CADM2: variants seen among roughly 807,000 people sequenced by gnomAD.
The protein encoded by CADM2 is cell adhesion molecule 2.
A neutral mutation model predicts 49.8 loss-of-function variants in CADM2; 12 were observed. That is an observed-to-expected ratio of 0.24 (90% CI 0.15 to 0.39). The LOEUF is 0.39. CADM2 is among the 10% of genes least tolerant of loss of function. The pLI is 1.00. For missense variants in CADM2, 378 were observed against 492.3 expected (o/e 0.77, Z 2.20); for synonymous variants, 214 against 175.4 (o/e 1.22, Z -1.74).
intron 2 of CADM2, among the ~76,000 whole-genome samples, chr3:85,788,706 A>C (rs908635848): frequency 1.3e-5 from 2 of 151,994 alleles, no homozygotes; most frequent in African/African-American, 4.8e-5. Flanking sequence ...AATTAGGAAA[A>C]ACCAGCATGA....
In CADM2 at chr3:85,234,841, G is replaced by T. The variant is rs369109644; in HGVS notation, c.61+275173G>T. On this transcript the variant is annotated intron_variant, in intron 1 of 9. Coordinates refer to ENST00000383699, the MANE Select transcript of CADM2 (RefSeq NM_001167675.2). ...TAACACCCTGTTAACTCCATGGATG[G>T]AGAGTGAGGTCTTCTGTATAAACAA... is the stretch of plus-strand genomic sequence containing the variant. 4.6e-5 allele frequency among the ~76,000 whole-genome samples: 7 copies of T among 152,240 alleles called. No individual in the cohort carries two copies. In the South Asian group the frequency reaches 1.0e-3, roughly 23 times the overall value.
chr3:85,026,667 A>G (rs2034742410), intron 1 of CADM2, among the ~76,000 whole-genome samples: 3 of 152,182 alleles, frequency 2.0e-5, no homozygotes. Flanking sequence ...CTGTACCCCA[A>G]AAGCCAATGT....
At chr3:85,710,881 C>A (rs2067096378) in intron 1 of CADM2, among the ~76,000 whole-genome samples, 1 of 152,048 alleles carries the variant, frequency 6.6e-6, no homozygotes, top group South Asian at 2.1e-4. Flanking sequence ...GCAGTTAGAC[C>A]TGATAACCTT....
chr3:85,252,123 T>A (rs755546401), intron 1 of CADM2, among the ~76,000 whole-genome samples: 2 of 152,026 alleles, frequency 1.3e-5, no homozygotes, highest in Non-Finnish European at 2.9e-5. Flanking sequence ...AATGTTATTC[T>A]GACTATGGTT....
rs1270257160 is a variant in CADM2, at chr3:84,982,737, A to ACG, written c.61+23069_61+23070insCG. 1.1e-3 allele frequency among the ~76,000 whole-genome samples: 125 copies of ACG among 115,374 alleles called. 1 individual carries two copies. The highest frequency in any genetic ancestry group is 4.1e-3 in the African/African-American group (116 of 28,510). 75.7% of individuals were successfully genotyped at this position (115,374 alleles called of 152,430 possible). A position where few individuals can be genotyped will look rare whatever the true frequency, so the allele number is the denominator to read the frequency against. On this transcript the variant is annotated intron_variant, in intron 1 of 9. Transcript: ENST00000383699. ...TATATATATATATATATATATATAC[A>ACG]TTTTTTGTTTTTTTAATTTTTTTTT...
intron 1 of CADM2, among the ~76,000 whole-genome samples, chr3:85,308,963 A>C (rs1293407146): frequency 6.6e-6 from 1 of 152,138 alleles, no homozygotes; most frequent in Non-Finnish European, 1.5e-5. Flanking sequence ...AACGGACAAC[A>C]GACACTGATG....
chr3:85,114,409 C>A (rs897901508), intron 1 of CADM2, among the ~76,000 whole-genome samples: 5 of 152,076 alleles, frequency 3.3e-5, no homozygotes, highest in Non-Finnish European at 7.4e-5. Flanking sequence ...TCTCTTGTCA[C>A]CCTGACCTGG....
intron 8 of CADM2, among the ~76,000 whole-genome samples, chr3:85,970,713 C>T (rs1252227482): frequency 6.6e-6 from 1 of 151,404 alleles, no homozygotes; most frequent in Middle Eastern, 3.2e-3. Flanking sequence ...AAATTAGTGC[C>T]GTGTGCATAG....
At chr3:85,294,551 T>C (rs2043899938) in intron 1 of CADM2, among the ~76,000 whole-genome samples, 1 of 152,038 alleles carries the variant, frequency 6.6e-6, no homozygotes, top group South Asian at 2.1e-4. Flanking sequence ...ACTACAAGGC[T>C]ACAGTACCCA....
intron 1 of CADM2, among the ~76,000 whole-genome samples, chr3:85,507,293 T>G (rs1389436877): frequency 6.6e-6 from 1 of 151,364 alleles, no homozygotes; most frequent in Non-Finnish European, 1.5e-5. Flanking sequence ...GTTCAAACGA[T>G]TCTCCTGTCT....
At chr3:85,177,255 G>A (rs939683417) in intron 1 of CADM2, among the ~76,000 whole-genome samples, 3 of 151,868 alleles carry the variant, frequency 2.0e-5, no homozygotes, top group Non-Finnish European at 4.4e-5. Context: ...CCTAGTACGG[G>A]GCAGTAAGTT....
At chr3:85,446,950 G>A (rs1183688357) in intron 1 of CADM2, among the ~76,000 whole-genome samples, 1 of 131,410 alleles carries the variant, frequency 7.6e-6, no homozygotes, top group Non-Finnish European at 1.6e-5. Flanking sequence ...ACATCACTCT[G>A]GTAGCTAAAT....
chr3:85,723,581 C>A (rs189876308), intron 1 of CADM2, among the ~76,000 whole-genome samples: 1 of 151,996 alleles, frequency 6.6e-6, no homozygotes, highest in Non-Finnish European at 1.5e-5. Flanking sequence ...TATTAGCTGC[C>A]GGCATACAGA....
intron 1 of CADM2, among the ~76,000 whole-genome samples, chr3:85,313,518 C>A (rs1022005280): frequency 6.6e-6 from 1 of 152,148 alleles, no homozygotes; most frequent in African/African-American, 2.4e-5. Flanking sequence ...CAGTTCACTT[C>A]TTTTGGCCAA....
intron 1 of CADM2, among the ~76,000 whole-genome samples, chr3:85,496,495 A>G (rs1431102526): frequency 2.0e-5 from 3 of 152,146 alleles, no homozygotes; most frequent in East Asian, 1.9e-4. Context: ...TAGTGTTGCA[A>G]TGAACATACG....
intron 1 of CADM2, among the ~76,000 whole-genome samples, chr3:85,364,104 T>G (rs1195502465): frequency 6.6e-6 from 1 of 152,216 alleles, no homozygotes; most frequent in Non-Finnish European, 1.5e-5. Context: ...AGAGACTTAT[T>G]TATGTTAAGG....
chr3:85,504,282 G>T (rs1196840969), intron 1 of CADM2, among the ~76,000 whole-genome samples: 3 of 151,954 alleles, frequency 2.0e-5, no homozygotes, highest in Non-Finnish European at 4.4e-5. Context: ...CGGTGGGCTC[G>T]TGGTCTCGCT....
At chr3:85,217,641 T>C (rs1163510152) in intron 1 of CADM2, among the ~76,000 whole-genome samples, 2 of 152,078 alleles carry the variant, frequency 1.3e-5, no homozygotes, top group African/African-American at 2.4e-5. Context: ...TTAGCAGTTA[T>C]AGAAAACTAT....
chr3:85,424,628 G>T (rs1007472945), intron 1 of CADM2, among the ~76,000 whole-genome samples: 1 of 152,082 alleles, frequency 6.6e-6, no homozygotes, highest in African/African-American at 2.4e-5. Flanking sequence ...CCTGTGAAAT[G>T]CAAACAGCAA....
Sources: gnomAD v4.1 joint callset for allele counts (sites outside exome capture counted in the v4.1 genomes callset) on GRCh38, gnomAD v4.1.1 for gene constraint, MANE v1.5 for transcripts, NCBI Gene and HGNC (gene_info 2026-07-23, HGNC 2026-07-21) for gene names.